SMC1A: variants seen among roughly 807,000 people sequenced by gnomAD.
The protein encoded by SMC1A is structural maintenance of chromosomes 1A.
A neutral mutation model predicts 94.5 loss-of-function variants in SMC1A; 4 were observed. The ratio of observed to expected loss-of-function variants is 0.04; its 90% CI spans 0.02 to 0.10. SMC1A has a LOEUF of 0.10. Ranked by LOEUF, SMC1A falls within the 10% of genes least tolerant of loss-of-function variation. The pLI is 1.00. For synonymous variants in SMC1A, 345 were observed against 347.7 expected (o/e 0.99, Z 0.09); for missense variants, 304 against 989.0 (o/e 0.31, Z 9.29).
rs1446248217 is a variant in SMC1A at position 53,383,361 on chromosome X, A to C, written c.2974-108T>G. 3 of 757,241 alleles carry C rather than the reference A, an allele frequency of 4.0e-6. No individual in the cohort carries two copies. The Admixed American group carries it at 8.5e-5, about 22-fold the overall frequency. The allele number at this position is 757,241 out of a possible 1,213,427, so 62.4% of individuals were successfully genotyped here. ...GGCCTGGGCGCCTGCTCCTATACGG[A>C]GGGCAGGTTCTTCTTCTCCAGCTCG... On this transcript the variant is annotated intron_variant, in intron 19 of 24. Transcript: ENST00000322213.
intron 16 of SMC1A, among the ~76,000 whole-genome samples, chrX:53,397,064 G>GTT (rs1280908709): frequency 9.4e-6 from 1 of 106,670 alleles, no homozygotes; most frequent in Middle Eastern, 4.8e-3. Context: ...TGTTGTTGTT[G>GTT]TTTTTTTTTT....
At chrX:53,385,317 C>G (rs1371875306) in intron 19 of SMC1A, among the ~76,000 whole-genome samples, 1 of 100,487 alleles carries the variant, frequency 1.0e-5, no homozygotes, top group African/African-American at 3.7e-5. Flanking sequence ...GTCGCCCAAG[C>G]TGGAGTGCAG....
chrX:53,397,323 G>T (rs1293139871), intron 16 of SMC1A, among the ~76,000 whole-genome samples: 3 of 111,913 alleles, frequency 2.7e-5, no homozygotes, highest in South Asian at 3.7e-4. Context: ...GCTTACACTT[G>T]TGATTCCAGC....
rs1288757483 is a variant in SMC1A, at chrX:53,385,742, T to A, written c.2974-2489A>T. Among the ~76,000 whole-genome samples the A allele has an allele frequency of 8.1e-5, 9 of 110,966 alleles. No individual in the cohort carries two copies. In the Admixed American group the frequency reaches 8.6e-4, roughly 11 times the overall value. ...AGGGTTATCTATCGAGAAAGAGAGG[T>A]GAAGGGGACAGGAATGGAAGCAAGA... On this transcript the variant is annotated intron_variant, in intron 19 of 24. Coordinates refer to ENST00000322213, the MANE Select transcript of SMC1A (RefSeq NM_006306.4).
intron 7 of SMC1A, 134 bp downstream of exon 7, chrX:53,411,627 G>T: frequency 1.3e-6 from 1 of 742,383 alleles, no homozygotes; most frequent in Non-Finnish European, 2.1e-6. Flanking sequence ...ATCATTACAG[G>T]TTGGGTAACT....
chrX:53,405,133 T>C lies in SMC1A; in HGVS notation c.2075A>G (p.Lys692Arg), dbSNP rs1295956137. 8.3e-7 allele frequency: 1 copy of C among 1,209,812 alleles called. No homozygotes were observed. The highest frequency in any genetic ancestry group is 1.1e-6 in the Non-Finnish European group (1 of 895,074). ...TEELKEQMKA[K>R]RKEAELRQVQ... ...CTGACGCAGCTCTGCCTCTTTCCGT[T>C]TTGCCTTCATCTGCTCCTGAAGGGA... The change falls in exon 13 of 25, where the codon AAA (lysine) becomes AGA (arginine). Residue 692 changes from lysine to arginine, a missense_variant. Lys to Arg is a conservative substitution (Grantham distance 26, BLOSUM62 2). This residue lies in a region of SMC1A where 57 missense variants were observed against 278.1 expected (regional missense o/e 0.20). Coordinates refer to ENST00000322213, the MANE Select transcript of SMC1A (RefSeq NM_006306.4).
chrX:53,412,400 GA>G, intron 5 of SMC1A, 147 bp from the exon 6 acceptor site: 2 of 562,122 alleles, frequency 3.6e-6, no homozygotes, highest in Non-Finnish European at 5.6e-6. Context: ...CACAGATCCT[GA>G]AAAAAAGGGG....
chrX:53,419,236 CTA>C (rs2075744779), intron 1 of SMC1A, among the ~76,000 whole-genome samples: 1 of 109,559 alleles, frequency 9.1e-6, no homozygotes, highest in African/African-American at 3.3e-5. Flanking sequence ...CGGTATAAGA[CTA>C]TGATTAGGTT....
intron 19 of SMC1A, among the ~76,000 whole-genome samples, chrX:53,388,794 G>A (rs983060541): frequency 1.7e-4 from 18 of 108,182 alleles, no homozygotes; most frequent in Non-Finnish European, 2.1e-4. Context: ...TCAGGATATC[G>A]AGACCATCCT....
chrX:53,417,239 C>G (rs1490705257), intron 1 of SMC1A, among the ~76,000 whole-genome samples: 1 of 111,182 alleles, frequency 9.0e-6, no homozygotes, highest in Admixed American at 9.6e-5. Flanking sequence ...CTGGTCTTTT[C>G]AAAAAGTCAG....
chrX:53,416,710 G>A (rs2075733762), intron 1 of SMC1A, among the ~76,000 whole-genome samples: 1 of 108,023 alleles, frequency 9.3e-6, no homozygotes, highest in East Asian at 3.0e-4. Flanking sequence ...TTTTTAATGG[G>A]CATAGATTTT....
At chrX:53,388,691 TG>T (rs2075614586) in intron 19 of SMC1A, among the ~76,000 whole-genome samples, 1 of 109,972 alleles carries the variant, frequency 9.1e-6, no homozygotes, top group Non-Finnish European at 1.9e-5. Context: ...ATTTTTAAAA[TG>T]TGGCTACTAG....
At chrX:53,416,370 G>T (rs1039436714) in intron 1 of SMC1A, among the ~76,000 whole-genome samples, 7 of 106,746 alleles carry the variant, frequency 6.6e-5, no homozygotes, top group African/African-American at 2.4e-4. Flanking sequence ...TTTAAAAATA[G>T]GCTGGGAGGA....
Position 53,378,830 on chromosome X carries a change from T to C in SMC1A, c.*1273A>G, listed in dbSNP as rs1336233073. ...TTCCTAAAATGAACCTCACAGGTGT[T>C]AGGCTGGGATGTGGCCCAGGATACC... On this transcript the variant is annotated 3_prime_UTR_variant, in exon 25 of 25. Coordinates refer to ENST00000322213, the MANE Select transcript of SMC1A (RefSeq NM_006306.4). 8.9e-6 allele frequency: 1 copy of C among 112,192 alleles called. No homozygotes were observed. The highest frequency in any genetic ancestry group is 1.9e-5 in the Non-Finnish European group (1 of 53,222). 9.2% of individuals were successfully genotyped at this position (112,192 alleles called of 1,213,427 possible).
At chrX:53,422,665 G>A (rs970438367), upstream of SMC1A, 13 of 754,653 alleles carry the variant, frequency 1.7e-5, no homozygotes, top group Non-Finnish European at 2.7e-5. Flanking sequence ...GAGGTAGCCC[G>A]CGCGGGAAAC....
chrX:53,388,200 C>T (rs940474907), intron 19 of SMC1A, among the ~76,000 whole-genome samples: 21 of 111,209 alleles, frequency 1.9e-4, no homozygotes, highest in Admixed American at 1.1e-3. Flanking sequence ...GTGAAGGAGC[C>T]GTAGCCACAA....
In SMC1A at chrX:53,394,761, C is replaced by CCCGGGG; in HGVS notation, c.2973+16_2973+17insCCCCGG. The CCCGGGG allele has an allele frequency of 1.1e-6, 1 of 903,452 alleles. No individual in the cohort carries two copies. The highest frequency in any genetic ancestry group is 1.6e-6 in the Non-Finnish European group (1 of 620,627). The allele number at this position is 903,452 out of a possible 1,213,427, so 74.5% of individuals were successfully genotyped here. A position where few individuals can be genotyped will look rare whatever the true frequency, so the allele number is the denominator to read the frequency against. ...CCCAACCCCCACCCCCACCACACCC[C>CCCGGGG]TGTGGTTGATCCTCACCTTCAGATC... is the stretch of plus-strand genomic sequence containing the variant. On this transcript the variant is annotated intron_variant, in intron 19 of 24. Transcript: ENST00000322213.
chrX:53,386,249 AG>A (rs1350429094), intron 19 of SMC1A, among the ~76,000 whole-genome samples: 2 of 111,948 alleles, frequency 1.8e-5, no homozygotes, highest in African/African-American at 6.5e-5. Flanking sequence ...AAACTCTCAT[AG>A]ACTCTTTAAA....
rs148822223 is a variant in SMC1A at position 53,393,931 on chromosome X, C to T, written c.2973+847G>A. 3.0e-3 allele frequency among the ~76,000 whole-genome samples: 331 copies of T among 109,708 alleles called. 2 individuals are homozygous for T. The highest frequency in any genetic ancestry group is 0.01 in the African/African-American group (315 of 30,193). On this transcript the variant is annotated intron_variant, in intron 19 of 24. Coordinates refer to ENST00000322213, the MANE Select transcript of SMC1A (RefSeq NM_006306.4). ...CAGCACTTTGGGAGGCCAAGGTAGG[C>T]AGATCACCTGAGGTCAGGAGTTCAA...
Sources: gnomAD v4.1 joint callset for allele counts (sites outside exome capture counted in the v4.1 genomes callset) on GRCh38, gnomAD v4.1.1 for gene constraint, gnomAD v4.1.1 regional missense constraint, MANE v1.5 for transcripts, NCBI Gene and HGNC (gene_info 2026-07-23, HGNC 2026-07-21) for gene names.